The following DNAJC10 variants were observed in gnomAD, a reference collection of about 807,000 sequenced individuals.
DNAJC10 encodes the protein DnaJ heat shock protein family (Hsp40) member C10, also known as endoplasmic reticulum disulfide reductase DNAJC10.
In DNAJC10, 101 loss-of-function variants were observed where a neutral mutation model predicts 115.0. That is an observed-to-expected ratio of 0.88 (90% CI 0.75 to 1.04). The LOEUF (loss-of-function observed/expected upper bound fraction) is 1.04, where lower values mean the gene tolerates loss of function less well. Among genes scored for constraint, DNAJC10 ranks in the 50% least tolerant of loss-of-function variants. The pLI is 0.00. For synonymous variants in DNAJC10, 307 were observed against 301.5 expected, an observed-to-expected ratio of 1.02 and a Z score of -0.19; for missense variants, 981 against 928.8, an observed-to-expected ratio of 1.06 and a Z score of -0.73.
At chr2:182,720,586 G>A (rs142771434) in intron 4 of DNAJC10, among the ~76,000 whole-genome samples, 1 of 152,216 alleles carries the variant, frequency 6.6e-6, no homozygotes, top group Non-Finnish European at 1.5e-5. Context: ...GTAACATGCT[G>A]TACAGATTTG....
chr2:182,727,377 G>C (rs1382894766), intron 5 of DNAJC10, among the ~76,000 whole-genome samples: 1 of 152,050 alleles, frequency 6.6e-6, no homozygotes, highest in Non-Finnish European at 1.5e-5. Context: ...CTCATTACTT[G>C]TTTATAGCTG....
At position 182,757,795 on chromosome 2, in the gene DNAJC10, C is replaced by T; in HGVS notation, c.1913C>T (p.Pro638Leu). ...AGATACCCTGAGATAAGATTTTTTCCCCCAAAATCAAATAAAGCTTATCAT... is the reference window on the plus strand; with the variant it reads ...AGATACCCTGAGATAAGATTTTTTCTCCCAAAATCAAATAAAGCTTATCAT... ...VQRYPEIRFF[P>L]PKSNKAYHYH... is the part of the protein sequence containing the mutation. Residue 638 changes from proline to leucine, a missense_variant, in exon 19 of 24, where the codon CCC becomes CTC. Coordinates refer to ENST00000264065, the MANE Select transcript of DNAJC10 (RefSeq NM_018981.4). The T allele has an allele frequency of 1.3e-6, 2 of 1,544,134 alleles. No homozygotes were observed. Among genetic ancestry groups the T allele is most frequent in the East Asian group, 4.5e-5 (2 of 44,142 alleles).
intron 8 of DNAJC10, 134 bp from the exon 9 acceptor site, chr2:182,730,896 G>T: frequency 1.7e-6 from 1 of 577,572 alleles, no homozygotes; most frequent in South Asian, 2.7e-5. Context: ...AGTATCTTTG[G>T]AAAGATAACT....
intron 22 of DNAJC10, among the ~76,000 whole-genome samples, chr2:182,774,756 G>A (rs150588997): frequency 6.6e-6 from 1 of 152,320 alleles, no homozygotes; most frequent in Non-Finnish European, 1.5e-5. Context: ...AGTCTGTCAC[G>A]GTTTCCCTTG....
chr2:182,772,126 G>GT (rs1278648520), intron 22 of DNAJC10, among the ~76,000 whole-genome samples: 2 of 152,204 alleles, frequency 1.3e-5, no homozygotes, highest in African/African-American at 4.8e-5. Context: ...TAGTTGTGTG[G>GT]TTTTGAGTGA....
intron 8 of DNAJC10, 128 bp from the exon 9 acceptor site, chr2:182,730,902 T>C: frequency 1.7e-6 from 1 of 588,100 alleles, no homozygotes; most frequent in South Asian, 2.6e-5. Flanking sequence ...TTTGGAAAGA[T>C]AACTGGTAAA....
At position 182,738,034 on chromosome 2, in the gene DNAJC10, A is replaced by C. The variant is rs78654432; in HGVS notation, c.987+1648A>C. On this transcript the variant is annotated intron_variant, in intron 11 of 23. Coordinates refer to ENST00000264065, the MANE Select transcript of DNAJC10 (RefSeq NM_018981.4). ...AGATGCTTTCTTATTTAAAAAATGT[A>C]CATTTTATATGCATACTTTATCATT... 7.3e-3 allele frequency among the ~76,000 whole-genome samples: 1,114 copies of C among 152,302 alleles called. 12 individuals carry two copies. Among genetic ancestry groups the C allele is most frequent in the African/African-American group, 0.026 (1,060 of 41,560 alleles).
intron 23 of DNAJC10, 124 bp downstream of exon 23, chr2:182,775,544 T>A: frequency 1.7e-6 from 1 of 582,702 alleles, no homozygotes; most frequent in Non-Finnish European, 3.1e-6. Flanking sequence ...GTAAGATAGC[T>A]GAAAATTCTA....
chr2:182,726,323 G>T (rs547159693), intron 5 of DNAJC10, among the ~76,000 whole-genome samples: 2 of 152,004 alleles, frequency 1.3e-5, no homozygotes, highest in South Asian at 4.1e-4. Flanking sequence ...TCACCATGGG[G>T]CGGTGAGGAG....
chr2:182,729,532 A>G (rs1446103272), intron 7 of DNAJC10, among the ~76,000 whole-genome samples: 1 of 152,192 alleles, frequency 6.6e-6, no homozygotes, highest in African/African-American at 2.4e-5. Context: ...TAATTTATAC[A>G]ATATGTATAT....
intron 13 of DNAJC10, among the ~76,000 whole-genome samples, chr2:182,742,263 C>A (rs1693755354): frequency 6.6e-6 from 1 of 152,212 alleles, no homozygotes; most frequent in African/African-American, 2.4e-5. Flanking sequence ...TGACTCACTG[C>A]AACCTCAGCC....
intron 14 of DNAJC10, among the ~76,000 whole-genome samples, chr2:182,748,673 A>C (rs931389078): frequency 6.6e-6 from 1 of 152,082 alleles, no homozygotes; most frequent in African/African-American, 2.4e-5. Context: ...GATCCTTTCA[A>C]AAAACCAGCT....
At chr2:182,722,771 C>T (rs1320396671) in intron 5 of DNAJC10, among the ~76,000 whole-genome samples, 1 of 152,012 alleles carries the variant, frequency 6.6e-6, no homozygotes, top group African/African-American at 2.4e-5. Context: ...GGAAAACCCT[C>T]TCTACTAAAA....
chr2:182,752,494 T>A (rs1334088393), intron 16 of DNAJC10: 6 of 496,066 alleles, frequency 1.2e-5, no homozygotes, highest in Non-Finnish European at 1.6e-5. Context: ...TATATTTCTT[T>A]AATATTTTTG....
rs766347964 is a variant in DNAJC10 at position 182,736,360 on chromosome 2, A to T, written c.961A>T (p.Asn321Tyr). The change falls in exon 11 of 24, where the codon AAT (asparagine) becomes TAT (tyrosine). Residue 321 changes from asparagine (N) to tyrosine (Y), a missense_variant. Asn to Tyr is a moderately radical substitution (Grantham distance 143). Transcript: ENST00000264065. ...TTATTTTCCTCCTGGAGCCACTTTA[A>T]ATAACAAAGAGAAAAACAGTATTTT... ...TAYFPPGATL[N>Y]NKEKNSILFL... The T allele has an allele frequency of 1.2e-5, 19 of 1,581,848 alleles. No homozygotes were observed. The East Asian group carries it at 4.2e-4, about 35-fold the overall frequency.
intron 22 of DNAJC10, among the ~76,000 whole-genome samples, chr2:182,764,380 A>C (rs1574952752): frequency 6.6e-6 from 1 of 152,138 alleles, no homozygotes; most frequent in Admixed American, 6.6e-5. Context: ...TAATATAATA[A>C]TAGCTGAGAG....
intron 22 of DNAJC10, among the ~76,000 whole-genome samples, chr2:182,772,832 C>T (rs1694603504): frequency 6.6e-6 from 1 of 152,070 alleles, no homozygotes; most frequent in Admixed American, 6.6e-5. Context: ...GCATTTAGCC[C>T]ATTTACATTT....
Position 182,722,084 on chromosome 2 carries a change from G to A in DNAJC10, c.418+9G>A, listed in dbSNP as rs1693165160. 6.4e-7 allele frequency: 1 copy of A among 1,560,134 alleles called. No homozygotes were observed. Among genetic ancestry groups the A allele is most frequent in the Non-Finnish European group, 8.7e-7 (1 of 1,147,236 alleles). On this transcript the variant is annotated intron_variant, in intron 5 of 23. Coordinates refer to ENST00000264065, the MANE Select transcript of DNAJC10 (RefSeq NM_018981.4). ...GGAAAGAAGAGAATTTGGTAAGTTT[G>A]TGGGCTTAAGGTTTTATAAAACTAA...
rs542111294 is a variant in DNAJC10, at chr2:182,778,125, C to T, written c.*993C>T. On this transcript the variant is annotated 3_prime_UTR_variant, in exon 24 of 24. Coordinates refer to ENST00000264065, the MANE Select transcript of DNAJC10 (RefSeq NM_018981.4). ...TCTGAACTTTGTTTTGACCTGTATC[C>T]TTTATTTACATTGGGTTTTTCTTTC... The T allele has an allele frequency of 6.6e-6, 1 of 152,160 alleles. No homozygotes were observed. Among genetic ancestry groups the T allele is most frequent in the Admixed American group, 6.6e-5 (1 of 15,262 alleles). The allele number at this position is 152,160 out of a possible 1,614,324, so 9.4% of individuals were successfully genotyped here. A position where few individuals can be genotyped will look rare whatever the true frequency, so the allele number is the denominator to read the frequency against.
Sources: allele counts gnomAD v4.1 joint callset (sites outside exome capture counted in the v4.1 genomes callset), GRCh38; gene constraint gnomAD v4.1.1; transcripts MANE v1.5; gene names NCBI Gene and HGNC (gene_info 2026-07-23, HGNC 2026-07-21).